Variants in ZRANB3 observed in about 807,000 individuals in gnomAD.
ZRANB3 encodes the protein zinc finger RANBP2-type containing 3.
In ZRANB3, 125 loss-of-function variants were observed where a neutral mutation model predicts 133.8. That is an observed-to-expected ratio of 0.93 (90% CI 0.81 to 1.08). ZRANB3 has a LOEUF of 1.08. ZRANB3 is among the 50% of genes least tolerant of loss of function. ZRANB3 has a pLI of 0.00. For missense variants in ZRANB3, 1,229 were observed against 1,275.5 expected, an observed-to-expected ratio of 0.96 and a Z score of 0.56; for synonymous variants, 387 against 432.7, an observed-to-expected ratio of 0.89 and a Z score of 1.31.
chr2:135,406,386 C>T (rs151227784), intron 2 of ZRANB3, among the ~76,000 whole-genome samples: 1,573 of 152,236 alleles, frequency 0.01, 25 homozygotes, highest in African/African-American at 0.036. Context: ...CGAATTCTAC[C>T]AGAGGTACAA....
At chr2:135,337,050 T>G (rs1483901582) in intron 6 of ZRANB3, among the ~76,000 whole-genome samples, 1 of 152,144 alleles carries the variant, frequency 6.6e-6, no homozygotes. Flanking sequence ...AGAAACGTTT[T>G]ACAACATGAA....
At chr2:135,377,473 A>G (rs1686480012) in intron 3 of ZRANB3, among the ~76,000 whole-genome samples, 1 of 152,172 alleles carries the variant, frequency 6.6e-6, no homozygotes, top group Admixed American at 6.5e-5. Context: ...GATGAGCCTG[A>G]AGCATCCTGT....
At chr2:135,529,468 T>A (rs145105031) in intron 1 of ZRANB3, among the ~76,000 whole-genome samples, 1 of 152,032 alleles carries the variant, frequency 6.6e-6, no homozygotes, top group Admixed American at 6.5e-5. Flanking sequence ...TTCATCGGTG[T>A]ATTATAGTTG....
chr2:135,465,764 A>G (rs1018946798), intron 2 of ZRANB3, among the ~76,000 whole-genome samples: 1 of 152,208 alleles, frequency 6.6e-6, no homozygotes, highest in Non-Finnish European at 1.5e-5. Context: ...TTCGCAATCT[A>G]TCCATCTAAC....
chr2:135,410,831 T>C (rs1372387930), intron 2 of ZRANB3, among the ~76,000 whole-genome samples: 1 of 152,044 alleles, frequency 6.6e-6, no homozygotes, highest in Non-Finnish European at 1.5e-5. Context: ...TCAAAAGACA[T>C]ACAAGTTGCC....
intron 3 of ZRANB3, among the ~76,000 whole-genome samples, chr2:135,357,548 G>A (rs1273361434): frequency 1.3e-5 from 2 of 152,046 alleles, no homozygotes; most frequent in African/African-American, 4.8e-5. Flanking sequence ...CACCCGCCTC[G>A]GCCTCCCAAA....
At chr2:135,479,303 C>A (rs1370380339) in intron 2 of ZRANB3, among the ~76,000 whole-genome samples, 1 of 152,112 alleles carries the variant, frequency 6.6e-6, no homozygotes, top group Admixed American at 6.6e-5. Flanking sequence ...GTAGGTTTAT[C>A]TACAATGAAA....
At chr2:135,369,960 C>T (rs959470831) in intron 3 of ZRANB3, among the ~76,000 whole-genome samples, 7 of 151,608 alleles carry the variant, frequency 4.6e-5, no homozygotes, top group African/African-American at 1.7e-4. Context: ...TTCCAGTACC[C>T]TACATTTTAC....
chr2:135,303,335 A>G (rs2104811287), intron 8 of ZRANB3, among the ~76,000 whole-genome samples: 1 of 152,236 alleles, frequency 6.6e-6, no homozygotes, highest in East Asian at 1.9e-4. Context: ...GCTCCTAAGA[A>G]TTTTATAATT....
chr2:135,383,622 G>T (rs1448145255), intron 3 of ZRANB3, among the ~76,000 whole-genome samples: 2 of 152,086 alleles, frequency 1.3e-5, no homozygotes, highest in East Asian at 3.9e-4. Flanking sequence ...CAAATGTAAA[G>T]GAACAGAAAT....
intron 20 of ZRANB3, among the ~76,000 whole-genome samples, chr2:135,201,589 G>T (rs1693628194): frequency 6.6e-6 from 1 of 151,410 alleles, no homozygotes; most frequent in African/African-American, 2.4e-5. Flanking sequence ...GGGAGGCAGA[G>T]GTTGCAGTGA....
In ZRANB3 at chr2:135,227,701, AAG is replaced by A. The variant is rs374862750; in HGVS notation, c.2158+109_2158+110del. 1.4e-4 allele frequency: 152 copies of A among 1,085,174 alleles called. 12 individuals are homozygous for A. The African/African-American group carries it at 1.8e-3, about 13-fold the overall frequency. The allele number at this position is 1,085,174 out of a possible 1,614,324, so 67.2% of individuals were successfully genotyped here. A position where few individuals can be genotyped will look rare whatever the true frequency, so the allele number is the denominator to read the frequency against. ...CAAATGGTTGGTATTTTTAATATAA[AAG>A]AGAGTAAAAGGAACCTGGAACAAGG... On this transcript the variant is annotated intron_variant, in intron 14 of 20. Coordinates refer to ENST00000264159, the MANE Select transcript of ZRANB3 (RefSeq NM_032143.4).
chr2:135,416,414 C>A (rs1321519551), intron 2 of ZRANB3, among the ~76,000 whole-genome samples: 8 of 151,918 alleles, frequency 5.3e-5, no homozygotes, highest in Non-Finnish European at 8.8e-5. Context: ...ATGTGAAGGA[C>A]CTCTTCAAGG....
At position 135,393,141 on chromosome 2, in the gene ZRANB3, T is replaced by A. The variant is rs75881163; in HGVS notation, c.162-2321A>T. ...CCTAGGCCTCCCAAACTGGTGGGATTATAAGCGTGAGCCACTGCACCTGGC... is the reference window on the plus strand; with the variant it reads ...CCTAGGCCTCCCAAACTGGTGGGATAATAAGCGTGAGCCACTGCACCTGGC... On this transcript the variant is annotated intron_variant, in intron 2 of 20. Coordinates refer to ENST00000264159, the MANE Select transcript of ZRANB3 (RefSeq NM_032143.4). Among the ~76,000 whole-genome samples, 495 of 152,246 alleles carry A rather than the reference T, an allele frequency of 3.3e-3. 3 individuals are homozygous for A. The highest frequency in any genetic ancestry group is 0.011 in the African/African-American group (469 of 41,546).
chr2:135,298,667 G>A (rs1298137153), intron 8 of ZRANB3, among the ~76,000 whole-genome samples: 2 of 152,186 alleles, frequency 1.3e-5, no homozygotes, highest in East Asian at 1.9e-4. Context: ...GTCCTGTGAT[G>A]TGATCAGTCT....
intron 6 of ZRANB3, among the ~76,000 whole-genome samples, chr2:135,326,683 T>C (rs1195705915): frequency 6.6e-6 from 1 of 151,680 alleles, no homozygotes; most frequent in Non-Finnish European, 1.5e-5. Context: ...GGGCAGATCA[T>C]GAGGTCAGGA....
chr2:135,478,773 A>C (rs1337939532), intron 2 of ZRANB3, among the ~76,000 whole-genome samples: 1 of 152,016 alleles, frequency 6.6e-6, no homozygotes, highest in Admixed American at 6.6e-5. Context: ...TAAGGCTGCT[A>C]TTCCTAACTA....
chr2:135,440,413 A>G (rs1313471381), intron 2 of ZRANB3, among the ~76,000 whole-genome samples: 1 of 151,904 alleles, frequency 6.6e-6, no homozygotes, highest in African/African-American at 2.4e-5. Flanking sequence ...AAAAAAAAAA[A>G]GCATATACAG....
At chr2:135,403,141 G>A (rs945394927) in intron 2 of ZRANB3, among the ~76,000 whole-genome samples, 32 of 152,172 alleles carry the variant, frequency 2.1e-4, no homozygotes, top group East Asian at 9.7e-4. Flanking sequence ...AGCAGGAGCC[G>A]AAGCTGGGTG....
Sources: gnomAD v4.1 joint callset for allele counts (sites outside exome capture counted in the v4.1 genomes callset) on GRCh38, gnomAD v4.1.1 for gene constraint, MANE v1.5 for transcripts, NCBI Gene and HGNC (gene_info 2026-07-23, HGNC 2026-07-21) for gene names.